OXR1: variants seen among roughly 807,000 people sequenced by gnomAD.
OXR1 encodes oxidation resistance protein 1.
In OXR1, 41 loss-of-function variants were observed where a neutral mutation model predicts 104.6. That is an observed-to-expected ratio of 0.39 (90% confidence interval 0.31 to 0.51). The LOEUF is 0.51. OXR1 is among the 20% of genes least tolerant of loss of function. The pLI is 0.77. For missense variants in OXR1, 955 were observed against 1,031.9 expected (o/e 0.93, Z 1.02); for synonymous variants, 348 against 348.4 (o/e 1.00, Z 0.01).
chr8:106,400,667 C>T (rs78937577), intron 2 of OXR1, among the ~76,000 whole-genome samples: 1 of 152,012 alleles, frequency 6.6e-6, no homozygotes, highest in African/African-American at 2.4e-5. Context: ...CCAATTTAGA[C>T]TGGGAAAATA....
rs1007363814 is a variant in OXR1, at chr8:106,347,342, C to G, written c.-138-12134C>G. ...AATATGCCCTAACAAATAATACTGCCTGTGCCTGGGGGCTGAGTAGTGGTT... is the reference window on the plus strand; with the variant it reads ...AATATGCCCTAACAAATAATACTGCGTGTGCCTGGGGGCTGAGTAGTGGTT... On this transcript the variant is annotated intron_variant, in intron 1 of 16. Coordinates refer to ENST00000517566, the MANE Select transcript of OXR1 (RefSeq NM_001198533.2). 6.6e-5 allele frequency among the ~76,000 whole-genome samples: 10 copies of G among 152,332 alleles called. No individual in the cohort carries two copies. The East Asian group carries it at 1.9e-3, about 29-fold the overall frequency.
chr8:106,604,247 G>A (rs1041434722), intron 3 of OXR1, among the ~76,000 whole-genome samples: 10 of 152,144 alleles, frequency 6.6e-5, no homozygotes, highest in Admixed American at 6.5e-4. Context: ...TTAAAAATGT[G>A]TCAGGGGCAA....
chr8:106,276,783 G>A (rs1812063504), intron 1 of OXR1, among the ~76,000 whole-genome samples: 1 of 148,144 alleles, frequency 6.8e-6, no homozygotes, highest in Non-Finnish European at 1.5e-5. Context: ...GGTAACTGAT[G>A]GGTCTCTAAT....
intron 2 of OXR1, among the ~76,000 whole-genome samples, chr8:106,470,911 T>C (rs950962085): frequency 6.6e-6 from 1 of 151,762 alleles, no homozygotes; most frequent in Non-Finnish European, 1.5e-5. Flanking sequence ...GGTTTAGCAA[T>C]GGTGATTGCT....
intron 11 of OXR1, among the ~76,000 whole-genome samples, chr8:106,716,308 A>T (rs973840727): frequency 1.8e-4 from 28 of 152,210 alleles, no homozygotes; most frequent in African/African-American, 6.8e-4. Flanking sequence ...GCCAATCTCA[A>T]TTGAAATGAG....
intron 3 of OXR1, among the ~76,000 whole-genome samples, chr8:106,538,922 G>A (rs1258652430): frequency 6.6e-6 from 1 of 152,118 alleles, no homozygotes; most frequent in Non-Finnish European, 1.5e-5. Flanking sequence ...TTATGCCGTA[G>A]GTTTTTTACA....
intron 2 of OXR1, among the ~76,000 whole-genome samples, chr8:106,416,152 A>G (rs1315512292): frequency 6.6e-6 from 1 of 152,144 alleles, no homozygotes; most frequent in Non-Finnish European, 1.5e-5. Context: ...TTGTAATGCA[A>G]TTAAAAAGGA....
At chr8:106,396,794 T>C (rs1432760558) in intron 2 of OXR1, among the ~76,000 whole-genome samples, 2 of 152,128 alleles carry the variant, frequency 1.3e-5, no homozygotes, top group African/African-American at 4.8e-5. Context: ...TTGACAAATA[T>C]ACCATGGTTA....
intron 1 of OXR1, among the ~76,000 whole-genome samples, chr8:106,356,532 G>A (rs1226107824): frequency 6.6e-6 from 1 of 152,090 alleles, no homozygotes; most frequent in Non-Finnish European, 1.5e-5. Flanking sequence ...CTAGGATCCA[G>A]TTTGTTTTTG....
At chr8:106,615,607 CAAAA>C (rs34898459) in intron 3 of OXR1, among the ~76,000 whole-genome samples, 1 of 117,604 alleles carries the variant, frequency 8.5e-6, no homozygotes. Flanking sequence ...GAATCTGTCT[CAAAA>C]AAAAAAAAAA....
Position 106,710,809 on chromosome 8 carries a change from A to G in OXR1, c.1793+19A>G. 2.1e-6 allele frequency: 3 copies of G among 1,421,810 alleles called. No homozygotes were observed. Among genetic ancestry groups the G allele is most frequent in the African/African-American group, 2.9e-5 (2 of 68,264 alleles). The allele number at this position is 1,421,810 out of a possible 1,614,324, so 88.1% of individuals were successfully genotyped here. ...AAGAAAGGTAAAAAACCCATACGAC[A>G]CCTTGAGAGCATTATTGAGATTCTT... On this transcript the variant is annotated intron_variant, in intron 10 of 16. Transcript: ENST00000517566.
chr8:106,509,599 C>T (rs1467310166), intron 2 of OXR1, among the ~76,000 whole-genome samples: 1 of 151,928 alleles, frequency 6.6e-6, no homozygotes, highest in African/African-American at 2.4e-5. Context: ...TGTTTTGTCC[C>T]CCAGGGCACT....
At chr8:106,534,825 A>G (rs2130269991) in intron 3 of OXR1, among the ~76,000 whole-genome samples, 1 of 152,250 alleles carries the variant, frequency 6.6e-6, no homozygotes, top group East Asian at 1.9e-4. Flanking sequence ...AAGAAGCAGA[A>G]AGAAAATGGA....
intron 3 of OXR1, among the ~76,000 whole-genome samples, chr8:106,613,974 T>C (rs1266999964): frequency 6.6e-6 from 1 of 152,238 alleles, no homozygotes; most frequent in Admixed American, 6.5e-5. Flanking sequence ...GGGGTGAAAG[T>C]GTTCATTTTG....
At chr8:106,514,922 CCT>C (rs1812764896) in intron 2 of OXR1, among the ~76,000 whole-genome samples, 1 of 152,052 alleles carries the variant, frequency 6.6e-6, no homozygotes, top group Admixed American at 6.6e-5. Context: ...AATATTTACT[CCT>C]CTGAAACTGC....
chr8:106,311,375 G>T (rs1247101724), intron 1 of OXR1, among the ~76,000 whole-genome samples: 1 of 152,132 alleles, frequency 6.6e-6, no homozygotes, highest in Non-Finnish European at 1.5e-5. Flanking sequence ...GGATTTAAAA[G>T]CTAATTAGAT....
chr8:106,727,321 A>T lies in OXR1; in HGVS notation c.1957-10199A>T, dbSNP rs531736401. On this transcript the variant is annotated intron_variant, in intron 11 of 16. Coordinates refer to ENST00000517566, the MANE Select transcript of OXR1 (RefSeq NM_001198533.2). ...GTTTATTACAAATACAAGCAAAATA[A>T]ATTGTGGTTATTCTGAAATTTATAG... Among the ~76,000 whole-genome samples, 209 of 152,322 alleles carry T rather than the reference A, an allele frequency of 1.4e-3. 2 individuals are homozygous for T. Among genetic ancestry groups the T allele is most frequent in the African/African-American group, 4.7e-3 (197 of 41,572 alleles).
At chr8:106,547,492 C>CTTTTTTTTTTTTTT (rs60073341) in intron 3 of OXR1, among the ~76,000 whole-genome samples, 9 of 116,582 alleles carry the variant, frequency 7.7e-5, no homozygotes, top group African/African-American at 9.7e-5. Context: ...TTCTTTCTTT[C>CTTTTTTTTTTTTTT]TTTTTTTTTT....
chr8:106,385,672 A>G (rs1817343484), intron 2 of OXR1, among the ~76,000 whole-genome samples: 1 of 152,156 alleles, frequency 6.6e-6, no homozygotes, highest in South Asian at 2.1e-4. Context: ...TGTGACTTGA[A>G]ACTGAACATT....
Sources: gnomAD v4.1 joint callset for allele counts (sites outside exome capture counted in the v4.1 genomes callset) on GRCh38, gnomAD v4.1.1 for gene constraint, MANE v1.5 for transcripts, NCBI Gene and HGNC (gene_info 2026-07-23, HGNC 2026-07-21) for gene names.